Variants in CLNK observed in about 807,000 individuals in gnomAD.
The protein encoded by CLNK is cytokine-dependent hematopoietic cell linker.
CLNK carries 74 observed loss-of-function variants against 68.6 expected under a neutral mutation model. The ratio of observed to expected loss-of-function variants is 1.08; its 90% CI spans 0.89 to 1.31. The LOEUF is 1.31. Among genes scored for constraint, CLNK ranks in the 50% most tolerant of loss-of-function variants. The pLI is 0.00. For synonymous variants in CLNK, 198 were observed against 172.2 expected (o/e 1.15, Z -1.17); for missense variants, 553 against 515.3 (o/e 1.07, Z -0.71).
At chr4:10,653,013 A>T (rs562648133) in intron 2 of CLNK, among the ~76,000 whole-genome samples, 7 of 152,208 alleles carry the variant, frequency 4.6e-5, no homozygotes, top group Non-Finnish European at 1.0e-4. Context: ...ATGCAGCCAT[A>T]AAAAGGATGA....
the CLNK span, among the ~76,000 whole-genome samples, chr4:10,714,859 T>C: frequency 1.3e-5 from 2 of 152,172 alleles, no homozygotes; most frequent in Admixed American, 1.3e-4. Context: ...CTGACATCAG[T>C]GTGGCTAAAG....
the CLNK span, among the ~76,000 whole-genome samples, chr4:10,728,932 T>C: frequency 2.0e-4 from 31 of 152,272 alleles, 2 homozygotes; most frequent in African/African-American, 5.8e-4. Flanking sequence ...ACCTTTGATA[T>C]TATTCTTGAC....
the CLNK span, among the ~76,000 whole-genome samples, chr4:10,694,999 A>G: frequency 6.6e-6 from 1 of 152,214 alleles, no homozygotes. Context: ...ACGGAAGTAG[A>G]GAGTAGCATG....
chr4:10,490,285 T>A lies in CLNK; in HGVS notation c.*182A>T. On this transcript the variant is annotated 3_prime_UTR_variant, in exon 19 of 19. Transcript: ENST00000226951. ...TTTTATTTTTTGCATGTTATAAATA[T>A]TTTCTCTGTGGTTTGAACTTTCAAA... 1 of 495,684 alleles carries A rather than the reference T, an allele frequency of 2.0e-6. No individual in the cohort carries two copies. The highest frequency in any genetic ancestry group is 3.4e-6 in the Non-Finnish European group (1 of 293,278). 30.7% of individuals were successfully genotyped at this position (495,684 alleles called of 1,614,324 possible). A position where few individuals can be genotyped will look rare whatever the true frequency, so the allele number is the denominator to read the frequency against.
In CLNK at chr4:10,558,413, T is replaced by A. The variant is rs372742563; in HGVS notation, c.439A>T (p.Ile147Phe). ...PISKDVRSQN[I>F]KGDASVRKNK... ...TCGATTAACATGACTTTACCTTTAA[T>A]GTTTTGGCTTCTGACGTCCTTGGAA... Residue 147 changes from isoleucine (I) to phenylalanine (F), a missense_variant, in exon 8 of 19, where the codon ATT becomes TTT. Ile to Phe is a conservative substitution (Grantham distance 21, BLOSUM62 0). Transcript: ENST00000226951. 2 of 1,613,854 alleles carry A rather than the reference T, an allele frequency of 1.2e-6. No homozygotes were observed. Among genetic ancestry groups the A allele is most frequent in the Non-Finnish European group, 1.7e-6 (2 of 1,179,728 alleles).
At position 10,554,779 on chromosome 4, in the gene CLNK, T is replaced by C. The variant is rs16869819; in HGVS notation, c.445+3628A>G. Among the ~76,000 whole-genome samples, 660 of 152,328 alleles carry C rather than the reference T, an allele frequency of 4.3e-3. 7 individuals are homozygous for C. The highest frequency in any genetic ancestry group is 0.015 in the African/African-American group (624 of 41,580). On this transcript the variant is annotated intron_variant, in intron 8 of 18. Transcript: ENST00000226951. ...GATAGAAGATAACCAATCTCATCAT[T>C]ATTGCAAAGTTGTGTGTTGCCAAGT...
intron 11 of CLNK, among the ~76,000 whole-genome samples, chr4:10,535,613 G>A (rs1019671360): frequency 3.3e-5 from 5 of 152,128 alleles, no homozygotes; most frequent in South Asian, 2.1e-4. Flanking sequence ...CAATGGATTC[G>A]TAGTAGAAAA....
chr4:10,616,160 A>G (rs1317406540), intron 2 of CLNK, among the ~76,000 whole-genome samples: 1 of 152,206 alleles, frequency 6.6e-6, no homozygotes, highest in African/African-American at 2.4e-5. Context: ...ATCTACATCT[A>G]TTTTATCTGA....
chr4:10,679,006 A>G (rs76932137), intron 1 of CLNK, among the ~76,000 whole-genome samples: 1 of 152,210 alleles, frequency 6.6e-6, no homozygotes, highest in South Asian at 2.1e-4. Flanking sequence ...TGAATTGGAA[A>G]AAAAACTACT....
intron 17 of CLNK, among the ~76,000 whole-genome samples, chr4:10,507,136 A>T (rs747884023): frequency 3.3e-4 from 41 of 124,438 alleles, no homozygotes; most frequent in Non-Finnish European, 5.3e-4. Flanking sequence ...TTTTGAGACG[A>T]AGTCTTGCTC....
Position 10,598,036 on chromosome 4 carries a change from T to C in CLNK, c.25A>G (p.Thr9Ala). ...AAATCGTTGGATCCTTCTTTAGTTG[T>C]CTTTCTATTGCCCCTGGGATGAAAG... MNRQGNRK[T>A]TKEGSNDLKF... The change falls in exon 3 of 19, where the codon ACA becomes GCA. Residue 9 changes from threonine to alanine, a missense_variant. Thr to Ala is a moderately conservative substitution (Grantham distance 58, BLOSUM62 0). Transcript: ENST00000226951. 3 of 1,585,598 alleles carry C rather than the reference T, an allele frequency of 1.9e-6. No individual in the cohort carries two copies. The highest frequency in any genetic ancestry group is 1.3e-5 in the African/African-American group (1 of 74,602).
chr4:10,696,076 A>T, the CLNK span, among the ~76,000 whole-genome samples: 1 of 152,068 alleles, frequency 6.6e-6, no homozygotes, highest in South Asian at 2.1e-4. Flanking sequence ...GGCTAGTCTC[A>T]AACTCCTGAC....
At chr4:10,540,121 G>T (rs181457664) in intron 11 of CLNK, among the ~76,000 whole-genome samples, 135 of 152,304 alleles carry the variant, frequency 8.9e-4, no homozygotes, top group Non-Finnish European at 1.5e-3. Flanking sequence ...ATTGGGTCAT[G>T]GAGCAGTTTC....
intron 2 of CLNK, among the ~76,000 whole-genome samples, chr4:10,665,385 G>A (rs1170266279): frequency 6.6e-6 from 1 of 152,188 alleles, no homozygotes; most frequent in Non-Finnish European, 1.5e-5. Flanking sequence ...AAGACATAGA[G>A]TCGGGCGCGG....
At chr4:10,643,572 G>A (rs1353472499) in intron 2 of CLNK, among the ~76,000 whole-genome samples, 1 of 152,230 alleles carries the variant, frequency 6.6e-6, no homozygotes, top group East Asian at 1.9e-4. Context: ...AAGATATGCA[G>A]CCACGCTCAG....
the CLNK span, among the ~76,000 whole-genome samples, chr4:10,704,704 C>T: frequency 6.6e-6 from 1 of 152,172 alleles, no homozygotes; most frequent in Non-Finnish European, 1.5e-5. Flanking sequence ...AGGGTCAAGC[C>T]CCCCTGTGCT....
At chr4:10,531,783 G>A (rs1413801157) in intron 12 of CLNK, 2 of 456,982 alleles carry the variant, frequency 4.4e-6, no homozygotes, top group African/African-American at 2.0e-5. Flanking sequence ...ACTGGGATGA[G>A]TAAGAGCATT....
upstream of CLNK, among the ~76,000 whole-genome samples, chr4:10,688,342 G>T (rs1374234119): frequency 6.6e-6 from 1 of 152,094 alleles, no homozygotes; most frequent in East Asian, 1.9e-4. Context: ...TCTACTCAAG[G>T]CATGAAACTC....
chr4:10,537,630 T>C (rs1388750609), intron 11 of CLNK, among the ~76,000 whole-genome samples: 1 of 136,790 alleles, frequency 7.3e-6, no homozygotes, highest in East Asian at 2.3e-4. Flanking sequence ...TCTTTCTTTC[T>C]TTCTTTCTCT....
Sources: allele counts gnomAD v4.1 joint callset (sites outside exome capture counted in the v4.1 genomes callset), GRCh38; gene constraint gnomAD v4.1.1; transcripts MANE v1.5; gene names NCBI Gene and HGNC (gene_info 2026-07-23, HGNC 2026-07-21).